Variants in ARHGAP24 observed in about 807,000 individuals in gnomAD.
ARHGAP24 encodes the protein rho GTPase-activating protein 24.
In ARHGAP24, 50 loss-of-function variants were observed where a neutral mutation model predicts 76.4. The observed-to-expected ratio is 0.65, with a 90% CI of 0.52 to 0.83. The LOEUF (loss-of-function observed/expected upper bound fraction) is 0.83, where lower values mean the gene tolerates loss of function less well. Ranked by LOEUF, ARHGAP24 falls within the 40% of genes least tolerant of loss-of-function variation. The probability of loss-of-function intolerance (pLI) is 0.00; values close to 1 mark genes in which losing one functional copy is unlikely to be tolerated. For synonymous variants in ARHGAP24, 345 were observed against 323.3 expected, an observed-to-expected ratio of 1.07 and a Z score of -0.72; for missense variants, 930 against 914.2, an observed-to-expected ratio of 1.02 and a Z score of -0.22.
intron 2 of ARHGAP24, among the ~76,000 whole-genome samples, chr4:85,639,695 A>T (rs1375881525): frequency 1.5e-5 from 1 of 68,508 alleles, no homozygotes; most frequent in African/African-American, 5.7e-5. Context: ...ATTGGAGGGA[A>T]TAATTGGTAA....
intron 3 of ARHGAP24, among the ~76,000 whole-genome samples, chr4:85,886,494 G>A (rs1733575481): frequency 6.6e-6 from 1 of 152,064 alleles, no homozygotes; most frequent in Admixed American, 6.6e-5. Context: ...CATAGACCAG[G>A]CTTGTGTGTT....
chr4:85,777,123 TCA>T (rs1180334790), intron 3 of ARHGAP24, among the ~76,000 whole-genome samples: 1 of 152,210 alleles, frequency 6.6e-6, no homozygotes, highest in Non-Finnish European at 1.5e-5. Context: ...GTTTTGAATC[TCA>T]GTTGCTTATT....
chr4:85,995,153 A>C lies in ARHGAP24; in HGVS notation c.1499A>C (p.Asn500Thr). 1 of 1,614,086 alleles carries C rather than the reference A, an allele frequency of 6.2e-7. No homozygotes were observed. Among genetic ancestry groups the C allele is most frequent in the Non-Finnish European group, 8.5e-7 (1 of 1,180,028 alleles). ...CTCGGGAACCCCACAAATGTTCGAA[A>C]CATGAGCTGGCTGCCAAATGGCTAT... ...DTLGNPTNVR[N>T]MSWLPNGYVT... The change falls in exon 9 of 10, where the codon AAC becomes ACC. Residue 500 changes from asparagine to threonine, a missense_variant. Transcript: ENST00000395184.
chr4:85,709,179 A>T (rs1253788813), intron 2 of ARHGAP24, among the ~76,000 whole-genome samples: 1 of 152,140 alleles, frequency 6.6e-6, no homozygotes, highest in Non-Finnish European at 1.5e-5. Flanking sequence ...TGCCTTTCTT[A>T]GTAGTTGTCA....
At chr4:85,848,347 T>G (rs1472087521) in intron 3 of ARHGAP24, among the ~76,000 whole-genome samples, 1 of 152,158 alleles carries the variant, frequency 6.6e-6, no homozygotes, top group Non-Finnish European at 1.5e-5. Flanking sequence ...CCCTACCCCA[T>G]GACAGGCCCT....
chr4:85,605,272 T>C (rs1227674898), intron 2 of ARHGAP24, among the ~76,000 whole-genome samples: 1 of 152,212 alleles, frequency 6.6e-6, no homozygotes, highest in African/African-American at 2.4e-5. Context: ...AATCATAATA[T>C]ATTGACATAG....
Position 85,651,683 on chromosome 4 carries a change from T to C in ARHGAP24, c.181-70202T>C, listed in dbSNP as rs112767973. On this transcript the variant is annotated intron_variant, in intron 2 of 9. Coordinates refer to ENST00000395184, the MANE Select transcript of ARHGAP24 (RefSeq NM_001025616.3). ...TAACACATTGAGTTTTTCCTCTTTTTGTCTAATAATAGGTCATAAGTGCTC... is the reference window on the plus strand; with the variant it reads ...TAACACATTGAGTTTTTCCTCTTTTCGTCTAATAATAGGTCATAAGTGCTC... Among the ~76,000 whole-genome samples, 4 of 151,006 alleles carry C rather than the reference T, an allele frequency of 2.6e-5. 1 individual carries two copies. The highest frequency in any genetic ancestry group is 9.9e-5 in the African/African-American group (4 of 40,478).
At chr4:85,961,031 ACT>A (rs1738212281) in intron 5 of ARHGAP24, among the ~76,000 whole-genome samples, 1 of 152,032 alleles carries the variant, frequency 6.6e-6, no homozygotes, top group African/African-American at 2.4e-5. Context: ...TTGTTTCATC[ACT>A]CTCTTTCCTC....
intron 5 of ARHGAP24, among the ~76,000 whole-genome samples, chr4:85,963,267 C>A (rs553432891): frequency 6.6e-6 from 1 of 152,052 alleles, no homozygotes; most frequent in South Asian, 2.1e-4. Context: ...ATACTAGTGT[C>A]ATTTGCAGTA....
At chr4:85,555,039 C>T (rs1483320913) in intron 1 of ARHGAP24, among the ~76,000 whole-genome samples, 1 of 152,112 alleles carries the variant, frequency 6.6e-6, no homozygotes, top group Non-Finnish European at 1.5e-5. Context: ...TTATTGTAAT[C>T]CTTAGAATTC....
chr4:85,575,904 C>T (rs1219503877), intron 2 of ARHGAP24, among the ~76,000 whole-genome samples: 2 of 152,168 alleles, frequency 1.3e-5, no homozygotes, highest in Non-Finnish European at 2.9e-5. Context: ...CAGTCTGAAA[C>T]TCCTGATAAA....
intron 2 of ARHGAP24, among the ~76,000 whole-genome samples, chr4:85,665,266 TA>T (rs1362361156): frequency 2.0e-5 from 3 of 152,180 alleles, no homozygotes; most frequent in Non-Finnish European, 4.4e-5. Flanking sequence ...TACCATTATG[TA>T]ATGGCCTTCT....
intron 2 of ARHGAP24, among the ~76,000 whole-genome samples, chr4:85,656,642 A>G (rs994904690): frequency 6.6e-6 from 1 of 151,920 alleles, no homozygotes; most frequent in Non-Finnish European, 1.5e-5. Context: ...TAATTTTTGT[A>G]TTTTTAGTAG....
chr4:85,597,930 C>T lies in ARHGAP24; in HGVS notation c.180+27209C>T, dbSNP rs536203366. ...ATCAGTGAAGATATCTGAAGACTTG[C>T]AAATCTGAAATTACAACATGCAATG... On this transcript the variant is annotated intron_variant, in intron 2 of 9. Coordinates refer to ENST00000395184, the MANE Select transcript of ARHGAP24 (RefSeq NM_001025616.3). 1.8e-4 allele frequency among the ~76,000 whole-genome samples: 28 copies of T among 152,164 alleles called. 1 individual carries two copies. In the South Asian group the frequency reaches 4.6e-3, roughly 25 times the overall value.
intron 5 of ARHGAP24, among the ~76,000 whole-genome samples, chr4:85,966,256 C>T (rs986497036): frequency 3.9e-5 from 6 of 152,126 alleles, no homozygotes; most frequent in African/African-American, 1.2e-4. Context: ...TCTCCAAGTA[C>T]CATTACATTA....
chr4:85,826,214 C>T (rs955213241), intron 3 of ARHGAP24, among the ~76,000 whole-genome samples: 2 of 152,114 alleles, frequency 1.3e-5, no homozygotes, highest in African/African-American at 4.8e-5. Flanking sequence ...AGCATGAATG[C>T]CCAGATGCAT....
rs551217478 is a variant in ARHGAP24, at chr4:85,982,145, G to C, written c.928+4454G>C. On this transcript the variant is annotated intron_variant, in intron 8 of 9. Transcript: ENST00000395184. ...CTGTTTTTATGTGAGAATTTCAGGA[G>C]ATCCAATACTGTGCTGCCATCATCT... 2.0e-5 allele frequency among the ~76,000 whole-genome samples: 3 copies of C among 151,658 alleles called. No homozygotes were observed. In the East Asian group the frequency reaches 5.8e-4, roughly 29 times the overall value.
chr4:85,942,175 G>A lies in ARHGAP24; in HGVS notation c.501G>A (p.Gly167=). The A allele has an allele frequency of 1.9e-6, 3 of 1,614,080 alleles. No homozygotes were observed. Among genetic ancestry groups the A allele is most frequent in the Non-Finnish European group, 1.7e-6 (2 of 1,180,020 alleles). The change falls in exon 5 of 10, where the codon GGG becomes GGA. Residue 167 remains glycine, a synonymous_variant. Transcript: ENST00000395184. The stretch of plus-strand genomic sequence containing the variant: ...GCGTGGACTTTATCCGACAAAGGGG[G>A]CTGAAAGAAGAGGGTCTCTTTCGAC... ...EQCVDFIRQR[G]LKEEGLFRLP...
intron 2 of ARHGAP24, among the ~76,000 whole-genome samples, chr4:85,643,432 G>A (rs1334665926): frequency 3.4e-5 from 4 of 117,488 alleles, no homozygotes; most frequent in Non-Finnish European, 5.3e-5. Context: ...CTAATTTTTT[G>A]TATTTTTAGT....
Sources: gnomAD v4.1 joint callset for allele counts (sites outside exome capture counted in the v4.1 genomes callset) on GRCh38, gnomAD v4.1.1 for gene constraint, MANE v1.5 for transcripts, NCBI Gene and HGNC (gene_info 2026-07-23, HGNC 2026-07-21) for gene names.